The following NEXMIF variants were observed in gnomAD, a reference collection of about 807,000 sequenced individuals.
NEXMIF encodes the protein neurite extension and migration factor.
Under a neutral mutation model 62.1 loss-of-function variants are expected in NEXMIF, and 8 were observed. The ratio of observed to expected loss-of-function variants is 0.13; its 90% CI spans 0.08 to 0.23. The LOEUF is 0.23. Ranked by LOEUF, NEXMIF falls within the 10% of genes least tolerant of loss-of-function variation. NEXMIF has a pLI of 1.00. For missense variants in NEXMIF, 976 were observed against 1,113.3 expected (o/e 0.88, Z 1.75); for synonymous variants, 404 against 416.6 (o/e 0.97, Z 0.37).
chrX:74,912,027 A>T (rs1441736475), intron 1 of NEXMIF, among the ~76,000 whole-genome samples: 1 of 111,907 alleles, frequency 8.9e-6, no homozygotes, highest in Non-Finnish European at 1.9e-5. Flanking sequence ...AAAACACTGA[A>T]TCTACATTAA....
intron 1 of NEXMIF, among the ~76,000 whole-genome samples, chrX:74,830,786 T>C (rs2080433566): frequency 1.8e-5 from 2 of 111,922 alleles, no homozygotes; most frequent in African/African-American, 6.5e-5. Context: ...TTAAATTAAT[T>C]CCTAGGTATT....
intron 1 of NEXMIF, among the ~76,000 whole-genome samples, chrX:74,761,307 T>C (rs920896715): frequency 8.9e-6 from 1 of 112,116 alleles, no homozygotes; most frequent in Non-Finnish European, 1.9e-5. Context: ...AGCTCTTCTT[T>C]GTACATCTTG....
At chrX:74,880,101 G>A (rs1252997143) in intron 1 of NEXMIF, among the ~76,000 whole-genome samples, 1 of 111,839 alleles carries the variant, frequency 8.9e-6, no homozygotes, top group African/African-American at 3.3e-5. Flanking sequence ...CTGACCTTTA[G>A]GAACTTAAAT....
intron 1 of NEXMIF, among the ~76,000 whole-genome samples, chrX:74,822,330 T>C (rs142540868): frequency 0.012 from 1,396 of 111,848 alleles, 24 homozygotes; most frequent in African/African-American, 0.044. Flanking sequence ...ACTGTATAAA[T>C]AGATAAATTG....
intron 1 of NEXMIF, among the ~76,000 whole-genome samples, chrX:74,773,390 A>T (rs1214106043): frequency 9.0e-6 from 1 of 111,718 alleles, no homozygotes; most frequent in Non-Finnish European, 1.9e-5. Flanking sequence ...GCCTAGCAGG[A>T]GGGGAATCAG....
chrX:74,776,178 C>A (rs1160278993), intron 1 of NEXMIF, among the ~76,000 whole-genome samples: 1 of 111,218 alleles, frequency 9.0e-6, no homozygotes. Context: ...TCTCCATGTA[C>A]CTTAAGTAAA....
intron 1 of NEXMIF, among the ~76,000 whole-genome samples, chrX:74,780,102 C>A (rs1428088032): frequency 8.9e-6 from 1 of 112,177 alleles, no homozygotes; most frequent in African/African-American, 3.2e-5. Flanking sequence ...GGAACTTCAC[C>A]AAAATACCAA....
chrX:74,760,872 T>C (rs2080173765), intron 1 of NEXMIF, among the ~76,000 whole-genome samples: 1 of 106,105 alleles, frequency 9.4e-6, no homozygotes, highest in South Asian at 4.2e-4. Context: ...ATTTATTTAT[T>C]TATTTATTTA....
intron 1 of NEXMIF, among the ~76,000 whole-genome samples, chrX:74,765,958 T>C (rs1030304572): frequency 9.3e-6 from 1 of 107,322 alleles, no homozygotes; most frequent in East Asian, 2.9e-4. Flanking sequence ...GTAGAATTGT[T>C]TGAACCTGGG....
intron 1 of NEXMIF, among the ~76,000 whole-genome samples, chrX:74,759,236 T>C (rs912576013): frequency 1.8e-5 from 2 of 112,393 alleles, no homozygotes; most frequent in Non-Finnish European, 3.8e-5. Context: ...AATGGGGTTG[T>C]TTGTTTTTTC....
chrX:74,921,464 G>C (rs1291506431), intron 1 of NEXMIF, among the ~76,000 whole-genome samples: 2 of 112,267 alleles, frequency 1.8e-5, no homozygotes, highest in Non-Finnish European at 3.8e-5. Context: ...CAAGAGAAAA[G>C]GTGTGAACTT....
At position 74,825,658 on chromosome X, in the gene NEXMIF, G is replaced by GCT. The variant is rs2080413729; in HGVS notation, c.-47-79962_-47-79961insAG. On this transcript the variant is annotated intron_variant, in intron 1 of 3. Transcript: ENST00000055682. ...CAACCTTCACCTCCCAGGTTCAAGT[G>GCT]ATTCTCCTGCTTCAGCTTCCCGAGT... Among the ~76,000 whole-genome samples the GCT allele has an allele frequency of 2.7e-5, 3 of 111,963 alleles. No homozygotes were observed. The Admixed American group carries it at 2.8e-4, about 11-fold the overall frequency.
At chrX:74,849,700 C>T (rs2080506320) in intron 1 of NEXMIF, among the ~76,000 whole-genome samples, 1 of 112,435 alleles carries the variant, frequency 8.9e-6, no homozygotes, top group Admixed American at 9.3e-5. Context: ...AACCATAAGC[C>T]GTTGGCGTGA....
intron 2 of NEXMIF, among the ~76,000 whole-genome samples, chrX:74,744,951 T>TCTCTCTC (rs2080121861): frequency 2.7e-4 from 5 of 18,648 alleles, no homozygotes; most frequent in Admixed American, 2.5e-3. Flanking sequence ...CTCTCTCTCT[T>TCTCTCTC]CTCTCTCCTC....
chrX:74,758,177 G>A (rs1450418074), intron 1 of NEXMIF, among the ~76,000 whole-genome samples: 7 of 110,371 alleles, frequency 6.3e-5, no homozygotes, highest in Non-Finnish European at 1.3e-4. Flanking sequence ...GAGAGTGGGT[G>A]GGAAGAAGGG....
At chrX:74,802,010 T>C (rs1009212892) in intron 1 of NEXMIF, among the ~76,000 whole-genome samples, 5 of 111,985 alleles carry the variant, frequency 4.5e-5, no homozygotes, top group African/African-American at 1.6e-4. Flanking sequence ...GGAAGAACTG[T>C]ATCTTGTGAT....
intron 1 of NEXMIF, among the ~76,000 whole-genome samples, chrX:74,881,638 C>T (rs1196598624): frequency 8.9e-6 from 1 of 111,994 alleles, no homozygotes; most frequent in African/African-American, 3.2e-5. Context: ...GCCAGTAGCA[C>T]CCCCCAACCC....
At chrX:74,871,321 C>T (rs1374959787) in intron 1 of NEXMIF, among the ~76,000 whole-genome samples, 2 of 110,708 alleles carry the variant, frequency 1.8e-5, no homozygotes, top group Non-Finnish European at 3.8e-5. Context: ...AGGGGGTGTA[C>T]GAACAGGGAG....
chrX:74,892,321 C>T (rs2080720401), intron 1 of NEXMIF, among the ~76,000 whole-genome samples: 1 of 112,106 alleles, frequency 8.9e-6, no homozygotes, highest in Non-Finnish European at 1.9e-5. Flanking sequence ...ACAGGGCTTC[C>T]AAGACTTTAC....
Sources: allele counts gnomAD v4.1 joint callset (sites outside exome capture counted in the v4.1 genomes callset), GRCh38; gene constraint gnomAD v4.1.1; transcripts MANE v1.5; gene names NCBI Gene and HGNC (gene_info 2026-07-23, HGNC 2026-07-21).